RYR1: variants seen among roughly 807,000 people sequenced by gnomAD.
The protein encoded by RYR1 is central core disease of muscle.
A neutral mutation model predicts 583.5 loss-of-function variants in RYR1; 342 were observed. The ratio of observed to expected loss-of-function variants is 0.59; its 90% CI spans 0.54 to 0.64. RYR1 has a LOEUF of 0.64. RYR1 is among the 30% of genes least tolerant of loss of function. RYR1 has a pLI of 0.00. For missense variants in RYR1, 6,032 were observed against 6,917.2 expected, an observed-to-expected ratio of 0.87 and a Z score of 4.54; for synonymous variants, 2,791 against 2,822.5, an observed-to-expected ratio of 0.99 and a Z score of 0.35.
At chr19:38,550,503 T>C (rs1182595412) in intron 89 of RYR1, among the ~76,000 whole-genome samples, 1 of 152,100 alleles carries the variant, frequency 6.6e-6, no homozygotes, top group Non-Finnish European at 1.5e-5. Context: ...CCCATTACTG[T>C]TTATTTTCTT....
In RYR1 at chr19:38,502,575, C is replaced by G. The variant is rs144196095; in HGVS notation, c.7683C>G (p.Leu2561=). ...ACCTGTGCCTGGCCGTGCTGCCGCT[C>G]ATCACCAAGTGTGCGCCGCTCTTTG... is the stretch of plus-strand genomic sequence containing the variant. ...NRYLCLAVLP[L]ITKCAPLFAG... is the part of the protein sequence containing the mutation. Residue 2561 remains leucine, a synonymous_variant, in exon 48 of 106, where the codon CTC becomes CTG. Coordinates refer to ENST00000359596, the MANE Select transcript of RYR1 (RefSeq NM_000540.3). 1 of 1,612,340 alleles carries G rather than the reference C, an allele frequency of 6.2e-7. No individual in the cohort carries two copies. The highest frequency in any genetic ancestry group is 1.3e-5 in the African/African-American group (1 of 74,862).
chr19:38,490,878 A>G (rs1297334340), intron 37 of RYR1, 146 bp downstream of exon 37: 2 of 704,250 alleles, frequency 2.8e-6, no homozygotes, highest in East Asian at 5.4e-5. Context: ...GAGTGAATGA[A>G]TGTGTTAGTG....
intron 71 of RYR1, 51 bp from the exon 72 acceptor site, chr19:38,526,942 G>A (rs1224953600): frequency 2.5e-6 from 4 of 1,590,560 alleles, no homozygotes; most frequent in Non-Finnish European, 3.5e-6. Context: ...TTGTGGGTCA[G>A]GAAGGAGGAT....
intron 89 of RYR1, among the ~76,000 whole-genome samples, chr19:38,551,318 A>C (rs1312473553): frequency 2.6e-5 from 4 of 151,384 alleles, no homozygotes; most frequent in Non-Finnish European, 5.9e-5. Flanking sequence ...CCCAACCTCA[A>C]GTGATCCGCC....
In RYR1 at chr19:38,565,300, G is replaced by A. The variant is rs921083301; in HGVS notation, c.12966G>A (p.Arg4322=). The change falls in exon 91 of 106, where the codon CGG becomes CGA. Residue 4322 remains arginine, a synonymous_variant. Coordinates refer to ENST00000359596, the MANE Select transcript of RYR1 (RefSeq NM_000540.3). The surrounding 1 kb of genome is among the most constrained non-coding windows in gnomAD (Gnocchi z 4.7). The part of the protein sequence containing the change: ...SLRRRVRRLR[R]LTAREAATAV... ...GGCGGCGCGTGCGGCGGCTGCGGCG[G>A]CTTACGGCCCGCGAGGCGGCCACCG... The A allele has an allele frequency of 3.7e-5, 40 of 1,077,154 alleles. No individual in the cohort carries two copies. Among genetic ancestry groups the A allele is most frequent in the Middle Eastern group, 8.3e-4 (2 of 2,420 alleles). The allele number at this position is 1,077,154 out of a possible 1,614,324, so 66.7% of individuals were successfully genotyped here. A position where few individuals can be genotyped will look rare whatever the true frequency, so the allele number is the denominator to read the frequency against.
intron 78 of RYR1, among the ~76,000 whole-genome samples, chr19:38,534,066 C>T (rs916521458): frequency 1.1e-4 from 16 of 142,494 alleles, no homozygotes; most frequent in African/African-American, 4.2e-4. Flanking sequence ...GGATGGAGTG[C>T]AGTGGCGTGA....
rs200149784 is a variant in RYR1, at chr19:38,511,592, C to T, written c.9154C>T (p.His3052Tyr). Residue 3052 changes from histidine to tyrosine, a missense_variant, in exon 61 of 106, where the codon CAC becomes TAC. Transcript: ENST00000359596. ...CTGCAAACTTGCTGCTCTCGTCCGC[C>T]ACCGAGTCTCTCTCTTTGGTAAGTG... is the stretch of plus-strand genomic sequence containing the variant. Reference protein sequence around the residue: ...LFCKLAALVRHRVSLFGTDAP... With the variant: ...LFCKLAALVRYRVSLFGTDAP... 1 of 1,614,122 alleles carries T rather than the reference C, an allele frequency of 6.2e-7. No homozygotes were observed. The highest frequency in any genetic ancestry group is 2.2e-5 in the East Asian group (1 of 44,894).
chr19:38,468,055 TCCATCCATCCATC>T (rs1968213416), intron 25 of RYR1, among the ~76,000 whole-genome samples: 4 of 60,904 alleles, frequency 6.6e-5, no homozygotes, highest in African/African-American at 2.3e-4. Context: ...CCATCATCCA[TCCATCCATCCATC>T]CATCCATCCA....
Position 38,500,794 on chromosome 19 carries a change from C to A in RYR1, c.7445-27C>A. 2 of 1,613,966 alleles carry A rather than the reference C, an allele frequency of 1.2e-6. No homozygotes were observed. The highest frequency in any genetic ancestry group is 2.2e-5 in the East Asian group (1 of 44,860). On this transcript the variant is annotated intron_variant, in intron 46 of 105. Coordinates refer to ENST00000359596, the MANE Select transcript of RYR1 (RefSeq NM_000540.3). The surrounding 1 kb of genome is among the most constrained non-coding windows in gnomAD (Gnocchi z 5.9). ...GGGAGCGGCTGGGTCCGCAGGGCAT[C>A]CCCGAACCCACCCTCCCTGCCTGCA...
At chr19:38,521,302 TTG>T (rs893280865) in intron 67 of RYR1, among the ~76,000 whole-genome samples, 197 of 149,754 alleles carry the variant, frequency 1.3e-3, no homozygotes, top group African/African-American at 4.5e-3. Flanking sequence ...TCAATAAGGT[TTG>T]TTTTTTTTTA....
rs1555769826 is a variant in RYR1 at position 38,458,123 on chromosome 19, G to T, written c.1998G>T (p.Met666Ile). 6.2e-7 allele frequency: 1 copy of T among 1,614,018 alleles called. No homozygotes were observed. The highest frequency in any genetic ancestry group is 8.5e-7 in the Non-Finnish European group (1 of 1,180,032). ...TQYSKWYFEV[M>I]VDEVTPFLTA... is the part of the protein sequence containing the mutation. ...ACAGCAAATGGTACTTTGAGGTGAT[G>T]GTGGACGAGGTGACTCCATTTCTGA... Residue 666 changes from methionine to isoleucine, a missense_variant, in exon 18 of 106, where the codon ATG becomes ATT. Coordinates refer to ENST00000359596, the MANE Select transcript of RYR1 (RefSeq NM_000540.3).
chr19:38,585,010 C>A lies in RYR1; in HGVS notation c.14714C>A (p.Pro4905His). 6.2e-7 allele frequency: 1 copy of A among 1,614,044 alleles called. No homozygotes were observed. Among genetic ancestry groups the A allele is most frequent in the Non-Finnish European group, 8.5e-7 (1 of 1,180,006 alleles). Residue 4905 changes from proline to histidine, a missense_variant, in exon 102 of 106, where the codon CCC becomes CAC. Transcript: ENST00000359596. ...GGGIGDEIEDPAGDEYELYRV... is the reference protein window; with the variant it reads ...GGGIGDEIEDHAGDEYELYRV... ...GGCATTGGGGACGAGATCGAGGACC[C>A]CGCGGGTGACGAATACGAGCTCTAC... is the stretch of plus-strand genomic sequence containing the variant.
chr19:38,562,826 G>T (rs1346109302), intron 90 of RYR1, among the ~76,000 whole-genome samples: 1 of 152,140 alleles, frequency 6.6e-6, no homozygotes, highest in African/African-American at 2.4e-5. Flanking sequence ...ATCTTCCCAT[G>T]CCGCCACGCC....
Position 38,573,296 on chromosome 19 carries a change from GCTCAACACGCCGTAAGGACCCAGC to G in RYR1, c.14120_14129+14del, listed in dbSNP as rs762073383. Reference sequence around the variant, plus strand: ...TGAAGGGGCAGTGGGACCGACTGGTGCTCAACACGCCGTAAGGACCCAGCCCCCACCTCAGGGTGGCAGCAGGAG... The same window carrying G: ...TGAAGGGGCAGTGGGACCGACTGGTGCCCCACCTCAGGGTGGCAGCAGGAG... On this transcript the variant is annotated splice_donor_variant and splice_donor_5th_base_variant and coding_sequence_variant and intron_variant, in exon 96 of 106. Coordinates refer to ENST00000359596, the MANE Select transcript of RYR1 (RefSeq NM_000540.3). LOFTEE classifies it high-confidence loss of function. 1 of 1,613,434 alleles carries G rather than the reference GCTCAACACGCCGTAAGGACCCAGC, an allele frequency of 6.2e-7. No homozygotes were observed. The highest frequency in any genetic ancestry group is 1.3e-5 in the African/African-American group (1 of 74,902).
At position 38,464,680 on chromosome 19, in the gene RYR1, A is replaced by C; in HGVS notation, c.2828A>C (p.Glu943Ala). The change falls in exon 23 of 106, where the codon GAG becomes GCG. Residue 943 changes from glutamate (E) to alanine (A), a missense_variant. Coordinates refer to ENST00000359596, the MANE Select transcript of RYR1 (RefSeq NM_000540.3). ...ALGCHVGMAD[E>A]KAEDNLKKTK... ...GGCTGCCACGTGGGCATGGCGGATGAGAAGGCGGAGGACAACCTGAAGAAG... is the reference window on the plus strand; with the variant it reads ...GGCTGCCACGTGGGCATGGCGGATGCGAAGGCGGAGGACAACCTGAAGAAG... 6.3e-7 allele frequency: 1 copy of C among 1,594,142 alleles called. No individual in the cohort carries two copies. Among genetic ancestry groups the C allele is most frequent in the Non-Finnish European group, 8.5e-7 (1 of 1,170,614 alleles).
rs1323641999 is a variant in RYR1 at position 38,573,908 on chromosome 19, C to T, written c.14129+601C>T. Reference sequence around the variant, plus strand: ...CAGGAACCCGTGTTTTAAACCCTGTCTCCAGGTGTGATTCTTACTCAGGTG... The same window carrying T: ...CAGGAACCCGTGTTTTAAACCCTGTTTCCAGGTGTGATTCTTACTCAGGTG... On this transcript the variant is annotated intron_variant, in intron 96 of 105. Coordinates refer to ENST00000359596, the MANE Select transcript of RYR1 (RefSeq NM_000540.3). Among the ~76,000 whole-genome samples, 3 of 152,002 alleles carry T rather than the reference C, an allele frequency of 2.0e-5. No individual in the cohort carries two copies. In the East Asian group the frequency reaches 5.8e-4, roughly 29 times the overall value.
intron 65 of RYR1, 106 bp from the exon 66 acceptor site, chr19:38,517,253 A>AG: frequency 6.1e-6 from 7 of 1,139,854 alleles, no homozygotes; most frequent in South Asian, 3.9e-5. Flanking sequence ...AGACTGTTTA[A>AG]GGGGGGTGGC....
Position 38,548,388 on chromosome 19 carries a change from C to T in RYR1, c.12250C>T (p.Arg4084Cys), listed in dbSNP as rs755879946. 20 of 1,613,958 alleles carry T rather than the reference C, an allele frequency of 1.2e-5. No homozygotes were observed. Among genetic ancestry groups the T allele is most frequent in the East Asian group, 8.9e-5 (4 of 44,886 alleles). Reference sequence around the variant, plus strand: ...CTTCCAGGACTACGTAACGGATCCCCGTGGCCTCATCTCCAAGAAGGACTT... The same window carrying T: ...CTTCCAGGACTACGTAACGGATCCCTGTGGCCTCATCTCCAAGAAGGACTT... The part of the protein sequence containing the change: ...EAFQDYVTDP[R>C]GLISKKDFQK... The change falls in exon 89 of 106, where the codon CGT (arginine) becomes TGT (cysteine). Residue 4084 changes from arginine (R) to cysteine (C), a missense_variant. By Grantham distance (180) the Arg-to-Cys change is radical. This residue lies in a region of RYR1 where 753 missense variants were observed against 759.6 expected (regional missense o/e 0.99). Coordinates refer to ENST00000359596, the MANE Select transcript of RYR1 (RefSeq NM_000540.3).
chr19:38,450,656 T>C (rs1400304500), intron 11 of RYR1, among the ~76,000 whole-genome samples: 1 of 152,142 alleles, frequency 6.6e-6, no homozygotes, highest in Non-Finnish European at 1.5e-5. Context: ...GGACCAGTTG[T>C]GCCATTTGCA....
Sources: allele counts gnomAD v4.1 joint callset (sites outside exome capture counted in the v4.1 genomes callset), GRCh38; gene constraint gnomAD v4.1.1; regional missense constraint gnomAD v4.1.1; non-coding constraint Gnocchi (gnomAD v3.1); transcripts MANE v1.5; gene names NCBI Gene and HGNC (gene_info 2026-07-23, HGNC 2026-07-21).